The following CACNA2D3 variants were observed in gnomAD, a reference collection of about 807,000 sequenced individuals.
CACNA2D3 encodes calcium voltage-gated channel auxiliary subunit alpha2delta 3.
CACNA2D3 carries 60 observed loss-of-function variants against 160.6 expected under a neutral mutation model. The observed-to-expected ratio is 0.37, with a 90% CI of 0.30 to 0.46. The LOEUF is 0.46. CACNA2D3 is among the 20% of genes least tolerant of loss of function. The probability of loss-of-function intolerance (pLI) is 1.00; values close to 1 mark genes in which losing one functional copy is unlikely to be tolerated. For synonymous variants in CACNA2D3, 558 were observed against 492.9 expected (o/e 1.13, Z -1.75); for missense variants, 1,205 against 1,365.0 (o/e 0.88, Z 1.85).
intron 9 of CACNA2D3, among the ~76,000 whole-genome samples, chr3:54,608,197 C>T (rs1698675891): frequency 6.6e-6 from 1 of 152,178 alleles, no homozygotes; most frequent in Non-Finnish European, 1.5e-5. Flanking sequence ...GTTAGGTTAA[C>T]AGTGTTATAC....
At chr3:54,666,208 A>G (rs1332307435) in intron 11 of CACNA2D3, among the ~76,000 whole-genome samples, 2 of 152,244 alleles carry the variant, frequency 1.3e-5, no homozygotes, top group African/African-American at 4.8e-5. Flanking sequence ...TTCTCAACAG[A>G]CAACTTTAAA....
intron 2 of CACNA2D3, among the ~76,000 whole-genome samples, chr3:54,277,890 A>G (rs985170082): frequency 9.2e-5 from 14 of 152,240 alleles, no homozygotes; most frequent in Non-Finnish European, 1.8e-4. Context: ...CTTTGTAGCA[A>G]TTGTGAATGG....
intron 27 of CACNA2D3, among the ~76,000 whole-genome samples, 163 bp downstream of exon 27, chr3:54,900,031 C>G (rs1052359554): frequency 5.9e-5 from 9 of 152,260 alleles, no homozygotes; most frequent in African/African-American, 1.9e-4. Flanking sequence ...TCCTTCAAAC[C>G]AAGACTCTGA....
chr3:54,735,089 T>C (rs2107022566), intron 11 of CACNA2D3, among the ~76,000 whole-genome samples: 1 of 152,342 alleles, frequency 6.6e-6, no homozygotes, highest in Non-Finnish European at 1.5e-5. Context: ...AGATCAAAAA[T>C]ACTGTGTTAA....
At chr3:54,464,460 A>G (rs1700573787) in intron 4 of CACNA2D3, among the ~76,000 whole-genome samples, 1 of 152,102 alleles carries the variant, frequency 6.6e-6, no homozygotes, top group Non-Finnish European at 1.5e-5. Flanking sequence ...TTGTTTCCCT[A>G]AGCAAGCCTG....
chr3:54,753,713 A>G lies in CACNA2D3; in HGVS notation c.1246+1036A>G, dbSNP rs148041238. ...CAATGTTCTAATACTCAAAATGGTA[A>G]TGGTAATAATAATTCTTCCTTTAAT... On this transcript the variant is annotated intron_variant, in intron 12 of 37. Coordinates refer to ENST00000474759, the MANE Select transcript of CACNA2D3 (RefSeq NM_018398.3). Among the ~76,000 whole-genome samples the G allele has an allele frequency of 2.2e-3, 338 of 152,358 alleles. 1 individual carries two copies. The highest frequency in any genetic ancestry group is 7.7e-3 in the African/African-American group (321 of 41,582).
intron 2 of CACNA2D3, among the ~76,000 whole-genome samples, chr3:54,150,252 AT>A (rs533645623): frequency 4.5e-4 from 68 of 152,106 alleles, no homozygotes; most frequent in African/African-American, 1.6e-3. Flanking sequence ...TGAATTTGTC[AT>A]TTTCTAGTTT....
chr3:54,530,343 G>T (rs1701787713), intron 5 of CACNA2D3, among the ~76,000 whole-genome samples: 2 of 152,156 alleles, frequency 1.3e-5, no homozygotes, highest in South Asian at 2.1e-4. Context: ...AAAGATGCAA[G>T]ATTTGATGAG....
intron 2 of CACNA2D3, among the ~76,000 whole-genome samples, chr3:54,288,125 A>G (rs1703081256): frequency 6.6e-6 from 1 of 152,078 alleles, no homozygotes; most frequent in Admixed American, 6.6e-5. Flanking sequence ...AAAATTAATG[A>G]ATCCAGGAGC....
Position 54,948,417 on chromosome 3 carries a change from T to C in CACNA2D3, c.2450-20033T>C, listed in dbSNP as rs115232961. On this transcript the variant is annotated intron_variant, in intron 27 of 37. Transcript: ENST00000474759. ...CAACTAGGCCCTTCATGGGCATATA[T>C]GTGTTTGCCTTCTTCATTGTCCAGA... Among the ~76,000 whole-genome samples the C allele has an allele frequency of 2.8e-3, 419 of 152,358 alleles. 5 individuals are homozygous for C. Among genetic ancestry groups the C allele is most frequent in the African/African-American group, 9.7e-3 (405 of 41,588 alleles).
At chr3:54,276,339 C>T (rs549153509) in intron 2 of CACNA2D3, among the ~76,000 whole-genome samples, 6 of 152,064 alleles carry the variant, frequency 3.9e-5, no homozygotes, top group East Asian at 1.9e-4. Context: ...GAAGCTGAGG[C>T]GGGCAGATCA....
intron 2 of CACNA2D3, among the ~76,000 whole-genome samples, chr3:54,235,460 G>A (rs1449269621): frequency 6.6e-6 from 1 of 152,078 alleles, no homozygotes; most frequent in African/African-American, 2.4e-5. Context: ...GAGAGAGATG[G>A]GGGAGGTGCC....
chr3:54,221,295 C>T (rs780490662), intron 2 of CACNA2D3, among the ~76,000 whole-genome samples: 2 of 152,128 alleles, frequency 1.3e-5, no homozygotes, highest in African/African-American at 2.4e-5. Context: ...GGAATGGTAC[C>T]GTCATGACTA....
intron 11 of CACNA2D3, among the ~76,000 whole-genome samples, chr3:54,696,527 A>C (rs968990146): frequency 6.6e-6 from 1 of 151,892 alleles, no homozygotes; most frequent in Non-Finnish European, 1.5e-5. Context: ...CTTGTTCAGG[A>C]TGTGGTTATC....
chr3:54,814,468 A>T (rs753533752), intron 13 of CACNA2D3, among the ~76,000 whole-genome samples: 1 of 152,190 alleles, frequency 6.6e-6, no homozygotes, highest in Non-Finnish European at 1.5e-5. Flanking sequence ...ATGCTGGGTG[A>T]CAATGTGTTG....
chr3:54,910,355 C>T (rs1700529890), intron 27 of CACNA2D3, among the ~76,000 whole-genome samples: 2 of 152,278 alleles, frequency 1.3e-5, no homozygotes, highest in African/African-American at 4.8e-5. Flanking sequence ...TTCTTTTATG[C>T]TATATGCTCC....
At chr3:54,328,789 GC>G (rs1239088604) in intron 3 of CACNA2D3, among the ~76,000 whole-genome samples, 3 of 152,170 alleles carry the variant, frequency 2.0e-5, no homozygotes, top group Non-Finnish European at 4.4e-5. Context: ...GCTTGGAGGG[GC>G]CCTCCCCTTC....
intron 35 of CACNA2D3, among the ~76,000 whole-genome samples, chr3:55,054,187 C>G (rs1250721261): frequency 1.3e-5 from 2 of 151,758 alleles, no homozygotes; most frequent in African/African-American, 4.8e-5. Flanking sequence ...CAATTCCTGT[C>G]TCTTGTTTTA....
At chr3:54,436,564 G>A (rs1381264650) in intron 4 of CACNA2D3, among the ~76,000 whole-genome samples, 1 of 152,224 alleles carries the variant, frequency 6.6e-6, no homozygotes, top group South Asian at 2.1e-4. Context: ...TAAAGAAAAT[G>A]TGGCACATAT....
Sources: allele counts gnomAD v4.1 joint callset (sites outside exome capture counted in the v4.1 genomes callset), GRCh38; gene constraint gnomAD v4.1.1; transcripts MANE v1.5; gene names NCBI Gene and HGNC (gene_info 2026-07-23, HGNC 2026-07-21).